The following TRPC5 variants were observed in gnomAD, a reference collection of about 807,000 sequenced individuals.
The protein encoded by TRPC5 is short transient receptor potential channel 5.
A neutral mutation model predicts 56.5 loss-of-function variants in TRPC5; 9 were observed. That is an observed-to-expected ratio of 0.16 (90% CI 0.10 to 0.28). The LOEUF (loss-of-function observed/expected upper bound fraction) is 0.28, where lower values mean the gene tolerates loss of function less well. Among genes scored for constraint, TRPC5 ranks in the 10% least tolerant of loss-of-function variants. The pLI, the probability that TRPC5 is intolerant of heterozygous loss-of-function variation, is 1.00. For synonymous variants in TRPC5, 282 were observed against 278.5 expected, an observed-to-expected ratio of 1.01 and a Z score of -0.13; for missense variants, 469 against 748.9, an observed-to-expected ratio of 0.63 and a Z score of 4.36.
intron 1 of TRPC5, among the ~76,000 whole-genome samples, chrX:111,979,424 C>T (rs765207711): frequency 9.0e-5 from 10 of 110,510 alleles, no homozygotes; most frequent in Non-Finnish European, 1.7e-4. Context: ...ATGATTTCTT[C>T]GATATAACAT....
intron 1 of TRPC5, among the ~76,000 whole-genome samples, chrX:111,992,590 T>A (rs1175888567): frequency 1.0e-5 from 1 of 96,235 alleles, no homozygotes; most frequent in Non-Finnish European, 1.9e-5. Context: ...TTTTAAAACA[T>A]TATTATTATT....
chrX:112,028,846 G>A (rs751155837), intron 1 of TRPC5, among the ~76,000 whole-genome samples: 68 of 111,834 alleles, frequency 6.1e-4, no homozygotes, highest in African/African-American at 2.0e-3. Flanking sequence ...TTGAGGAATC[G>A]CCACACTGTC....
intron 1 of TRPC5, among the ~76,000 whole-genome samples, chrX:111,965,108 C>G (rs1295325440): frequency 1.8e-5 from 2 of 109,107 alleles, no homozygotes; most frequent in Non-Finnish European, 3.8e-5. Flanking sequence ...CACATAGGCT[C>G]AAAATAAAGG....
At chrX:112,055,396 CT>C (rs901384243) in intron 1 of TRPC5, among the ~76,000 whole-genome samples, 15 of 109,773 alleles carry the variant, frequency 1.4e-4, no homozygotes, top group Middle Eastern at 4.7e-3. Flanking sequence ...TGTGAGGTAT[CT>C]TTTTTTTTGG....
intron 1 of TRPC5, among the ~76,000 whole-genome samples, chrX:112,051,934 T>C (rs1209848509): frequency 1.6e-4 from 18 of 112,257 alleles, no homozygotes; most frequent in African/African-American, 4.5e-4. Flanking sequence ...TTCATCCTCA[T>C]TGCAGTGTGT....
rs887169603 is a variant in TRPC5, at chrX:111,772,512, C to T, written c.*3801G>A. On this transcript the variant is annotated 3_prime_UTR_variant, in exon 11 of 11. Coordinates refer to ENST00000262839, the MANE Select transcript of TRPC5 (RefSeq NM_012471.3). ...GCAGTGGTGTGATCTCAGTGCACTG[C>T]AACCTCTGCCTCCCAGGTTCAAGTG... Among the ~76,000 whole-genome samples, 12 of 111,671 alleles carry T rather than the reference C, an allele frequency of 1.1e-4. No individual in the cohort carries two copies. The highest frequency in any genetic ancestry group is 3.6e-4 in the African/African-American group (11 of 30,726).
At chrX:112,063,829 C>T (rs1200037552) in intron 1 of TRPC5, among the ~76,000 whole-genome samples, 1 of 111,907 alleles carries the variant, frequency 8.9e-6, no homozygotes, top group Non-Finnish European at 1.9e-5. Context: ...TCTCGCTCTG[C>T]CGCCCAGGCT....
chrX:111,971,580 G>T (rs1049228269), intron 1 of TRPC5, among the ~76,000 whole-genome samples: 1 of 111,507 alleles, frequency 9.0e-6, no homozygotes, highest in Non-Finnish European at 1.9e-5. Context: ...GCATCTTAAT[G>T]AATCCTGATC....
At chrX:111,960,828 A>ATTG (rs1373574623) in intron 1 of TRPC5, among the ~76,000 whole-genome samples, 1 of 110,620 alleles carries the variant, frequency 9.0e-6, no homozygotes, top group African/African-American at 3.3e-5. Context: ...TATTATTATT[A>ATTG]TTATTTTTGA....
At chrX:111,894,437 G>A (rs10521537) in intron 3 of TRPC5, among the ~76,000 whole-genome samples, 7,342 of 111,782 alleles carry the variant, frequency 0.066, 266 homozygotes, top group African/African-American at 0.14. Flanking sequence ...TCAGTTACCA[G>A]ATGGATAGTA....
chrX:111,809,573 T>C (rs1921632627), intron 7 of TRPC5, among the ~76,000 whole-genome samples: 1 of 112,104 alleles, frequency 8.9e-6, no homozygotes, highest in African/African-American at 3.2e-5. Context: ...GTGACTGTCT[T>C]TTCTACCCTC....
At chrX:111,832,384 C>A (rs1268503000) in intron 7 of TRPC5, among the ~76,000 whole-genome samples, 1 of 112,007 alleles carries the variant, frequency 8.9e-6, no homozygotes, top group Non-Finnish European at 1.9e-5. Context: ...CAACTCAGTC[C>A]CTACCTAGAC....
intron 3 of TRPC5, among the ~76,000 whole-genome samples, chrX:111,871,582 T>C (rs778928927): frequency 4.5e-5 from 5 of 111,664 alleles, no homozygotes; most frequent in African/African-American, 1.6e-4. Context: ...AGAGAGTTAA[T>C]TAAATGCCTG....
intron 6 of TRPC5, among the ~76,000 whole-genome samples, chrX:111,842,039 C>CTCTATCTATCTA (rs72289513): frequency 5.7e-4 from 51 of 89,927 alleles, no homozygotes; most frequent in East Asian, 1.6e-3. Context: ...CTATCTATAG[C>CTCTATCTATCTA]TCTATCTATC....
At chrX:112,079,262 A>G (rs1349197516) in intron 1 of TRPC5, among the ~76,000 whole-genome samples, 1 of 112,420 alleles carries the variant, frequency 8.9e-6, no homozygotes, top group Non-Finnish European at 1.9e-5. Flanking sequence ...GAGCCATGGC[A>G]AAAAATAAAT....
At chrX:111,791,477 C>T (rs1053644220) in intron 7 of TRPC5, among the ~76,000 whole-genome samples, 1 of 111,932 alleles carries the variant, frequency 8.9e-6, no homozygotes, top group African/African-American at 3.2e-5. Context: ...GCAAGTTGAC[C>T]GTATTGAACT....
chrX:112,012,214 G>A (rs993806938), intron 1 of TRPC5, among the ~76,000 whole-genome samples: 1 of 110,903 alleles, frequency 9.0e-6, no homozygotes, highest in Non-Finnish European at 1.9e-5. Context: ...ATAAAATAAG[G>A]GACAGCCTCC....
At chrX:111,967,234 T>A (rs1016246538) in intron 1 of TRPC5, among the ~76,000 whole-genome samples, 2 of 111,364 alleles carry the variant, frequency 1.8e-5, no homozygotes, top group Non-Finnish European at 3.8e-5. Context: ...TCACAATTGC[T>A]ACAAAGAGAA....
In TRPC5 at chrX:111,781,182, G is replaced by A. The variant is rs1222957749; in HGVS notation, c.2125C>T (p.Gln709Ter). ...FTERNADSLI[Q>*]NQHYQEVIRN... ...AGCTTTACCTGATAATGTTGATTTT[G>A]TATCAGGCTGTCAGCATTGCGTTCC... Residue 709 changes from glutamine to a stop codon, truncating the protein, a stop_gained, in exon 9 of 11, where the codon CAA becomes TAA. Transcript: ENST00000262839. LOFTEE classifies it high-confidence loss of function. The A allele has an allele frequency of 1.7e-6, 2 of 1,208,085 alleles. No homozygotes were observed.
Sources: allele counts gnomAD v4.1 joint callset (sites outside exome capture counted in the v4.1 genomes callset), GRCh38; gene constraint gnomAD v4.1.1; transcripts MANE v1.5; gene names NCBI Gene and HGNC (gene_info 2026-07-23, HGNC 2026-07-21).